The following MAGI3 variants were observed in gnomAD, a reference collection of about 807,000 sequenced individuals.
MAGI3 encodes membrane associated guanylate kinase, WW and PDZ domain containing 3.
MAGI3 carries 43 observed loss-of-function variants against 121.8 expected under a neutral mutation model. That is an observed-to-expected ratio of 0.35 (90% CI 0.28 to 0.46). The LOEUF (loss-of-function observed/expected upper bound fraction) is 0.46. Ranked by LOEUF, MAGI3 falls within the 20% of genes least tolerant of loss-of-function variation. The pLI is 1.00. For synonymous variants in MAGI3, 553 were observed against 639.3 expected, an observed-to-expected ratio of 0.86 and a Z score of 2.04; for missense variants, 1,547 against 1,797.3, an observed-to-expected ratio of 0.86 and a Z score of 2.52.
intron 17 of MAGI3, among the ~76,000 whole-genome samples, 188 bp from the exon 18 acceptor site, chr1:113,672,427 G>T (rs1221162692): frequency 6.8e-6 from 1 of 146,316 alleles, no homozygotes; most frequent in Non-Finnish European, 1.5e-5. Flanking sequence ...TTCAAAGTAT[G>T]TTGGAATTAA....
At chr1:113,610,051 A>G (rs903572684) in intron 6 of MAGI3, among the ~76,000 whole-genome samples, 27 of 152,168 alleles carry the variant, frequency 1.8e-4, no homozygotes, top group African/African-American at 6.3e-4. Context: ...TTTCAGGGTT[A>G]CCAGTAACCT....
intron 2 of MAGI3, among the ~76,000 whole-genome samples, chr1:113,566,758 C>T (rs1268555289): frequency 6.6e-6 from 1 of 151,722 alleles, no homozygotes; most frequent in African/African-American, 2.4e-5. Context: ...TAAAAAGATA[C>T]AACATACTAA....
At chr1:113,551,065 G>GT (rs902818644) in intron 2 of MAGI3, among the ~76,000 whole-genome samples, 14 of 151,224 alleles carry the variant, frequency 9.3e-5, no homozygotes, top group Middle Eastern at 3.4e-3. Flanking sequence ...CCTTGACTAT[G>GT]TAGTGGCAAA....
At chr1:113,437,433 G>A (rs996384388) in intron 1 of MAGI3, among the ~76,000 whole-genome samples, 4 of 150,360 alleles carry the variant, frequency 2.7e-5, no homozygotes, top group Non-Finnish European at 5.9e-5. Flanking sequence ...TTTCTTTCTT[G>A]CCCATCTCAT....
At chr1:113,484,724 T>TCCCTG (rs1656290469) in intron 1 of MAGI3, among the ~76,000 whole-genome samples, 1 of 96,964 alleles carries the variant, frequency 1.0e-5, no homozygotes, top group Non-Finnish European at 2.0e-5. Context: ...TCCCTTCCCT[T>TCCCTG]CCCTTCCCTT....
At chr1:113,654,447 C>T (rs960557839) in intron 15 of MAGI3, among the ~76,000 whole-genome samples, 4 of 152,006 alleles carry the variant, frequency 2.6e-5, no homozygotes, top group Middle Eastern at 3.2e-3. Flanking sequence ...CCAAATATGT[C>T]GTAGATATTT....
At chr1:113,666,422 A>G (rs1654046603) in intron 16 of MAGI3, among the ~76,000 whole-genome samples, 1 of 152,264 alleles carries the variant, frequency 6.6e-6, no homozygotes, top group South Asian at 2.1e-4. Flanking sequence ...CACCAGGAGT[A>G]GATTCCATCT....
chr1:113,503,512 A>T (rs533963045), intron 1 of MAGI3, among the ~76,000 whole-genome samples: 1 of 151,990 alleles, frequency 6.6e-6, no homozygotes, highest in Admixed American at 6.6e-5. Flanking sequence ...TCACAGTACG[A>T]TAATTTTTCT....
intron 17 of MAGI3, among the ~76,000 whole-genome samples, chr1:113,672,275 C>T (rs565382691): frequency 1.3e-5 from 2 of 152,280 alleles, no homozygotes; most frequent in Admixed American, 6.5e-5. Context: ...AGCATCTTCA[C>T]GGGCATTGGT....
intron 6 of MAGI3, among the ~76,000 whole-genome samples, chr1:113,611,652 G>C (rs942407255): frequency 6.6e-6 from 1 of 151,698 alleles, no homozygotes; most frequent in Non-Finnish European, 1.5e-5. Flanking sequence ...CATCTATTTC[G>C]TCCTTTATTA....
chr1:113,582,435 T>C (rs144724404), intron 3 of MAGI3, among the ~76,000 whole-genome samples: 2 of 150,660 alleles, frequency 1.3e-5, no homozygotes, highest in East Asian at 1.9e-4. Context: ...TGGACTGCTA[T>C]ACAGCAGTTC....
rs149190832 is a variant in MAGI3, at chr1:113,668,469, C to T, written c.2816-3265C>T. Among the ~76,000 whole-genome samples the T allele has an allele frequency of 2.0e-3, 302 of 151,346 alleles. 1 individual carries two copies. Among genetic ancestry groups the T allele is most frequent in the African/African-American group, 6.8e-3 (279 of 41,244 alleles). On this transcript the variant is annotated intron_variant, in intron 16 of 20. Transcript: ENST00000307546. The stretch of plus-strand genomic sequence containing the variant: ...TATAACAGAAAAAAAATGGAGAAGC[C>T]ATGTAGCACGGGTTGAAGGACTAAA...
At chr1:113,559,578 T>C (rs959601118) in intron 2 of MAGI3, among the ~76,000 whole-genome samples, 2 of 151,926 alleles carry the variant, frequency 1.3e-5, no homozygotes, top group South Asian at 4.1e-4. Flanking sequence ...TTTTTTTTGT[T>C]TTTTTTTGAG....
At chr1:113,607,016 A>G (rs1649815048) in intron 6 of MAGI3, among the ~76,000 whole-genome samples, 1 of 151,952 alleles carries the variant, frequency 6.6e-6, no homozygotes, top group Non-Finnish European at 1.5e-5. Flanking sequence ...TTTTTCTTTT[A>G]TATTATATAT....
At chr1:113,495,352 G>A (rs1279100472) in intron 1 of MAGI3, among the ~76,000 whole-genome samples, 2 of 136,160 alleles carry the variant, frequency 1.5e-5, no homozygotes, top group African/African-American at 5.9e-5. Flanking sequence ...AGTTTTTGAA[G>A]TACCTCTTTT....
At chr1:113,629,756 CT>C (rs1438388460) in intron 9 of MAGI3, among the ~76,000 whole-genome samples, 16,019 of 93,284 alleles carry the variant, frequency 0.17, 1,041 homozygotes, top group East Asian at 0.48. Context: ...CTCTCTCTCT[CT>C]CTCTCCCTCC....
chr1:113,411,645 TACTC>T (rs1310033513), intron 1 of MAGI3, among the ~76,000 whole-genome samples: 1 of 152,034 alleles, frequency 6.6e-6, no homozygotes, highest in Non-Finnish European at 1.5e-5. Context: ...AAACAAAACT[TACTC>T]GCTTCTTTGA....
intron 9 of MAGI3, among the ~76,000 whole-genome samples, chr1:113,627,658 C>A (rs1463223773): frequency 6.7e-6 from 1 of 149,852 alleles, no homozygotes; most frequent in East Asian, 1.9e-4. Flanking sequence ...CTCTTTAGCT[C>A]TAGTAAAGCA....
At chr1:113,527,841 A>T (rs1042919807) in intron 1 of MAGI3, among the ~76,000 whole-genome samples, 1 of 152,198 alleles carries the variant, frequency 6.6e-6, no homozygotes, top group Non-Finnish European at 1.5e-5. Context: ...TTAATATTGT[A>T]TTTACTAAGG....
Sources: gnomAD v4.1 joint callset for allele counts (sites outside exome capture counted in the v4.1 genomes callset) on GRCh38, gnomAD v4.1.1 for gene constraint, MANE v1.5 for transcripts, NCBI Gene and HGNC (gene_info 2026-07-23, HGNC 2026-07-21) for gene names.